Variants in ST3GAL2 observed in about 807,000 individuals in gnomAD.
ST3GAL2 encodes the protein CMP-N-acetylneuraminate-beta-galactosamide-alpha-2,3-sialyltransferase 2.
ST3GAL2 carries 16 observed loss-of-function variants against 37.5 expected under a neutral mutation model. The ratio of observed to expected loss-of-function variants is 0.43; its 90% CI spans 0.29 to 0.65. The LOEUF (loss-of-function observed/expected upper bound fraction) is 0.65. Ranked by LOEUF, ST3GAL2 falls within the 30% of genes least tolerant of loss-of-function variation. ST3GAL2 has a pLI of 0.17. For missense variants in ST3GAL2, 383 were observed against 487.8 expected (o/e 0.79, Z 2.02); for synonymous variants, 238 against 202.9 (o/e 1.17, Z -1.47).
chr16:70,437,109 T>G (rs77972931), intron 1 of ST3GAL2, among the ~76,000 whole-genome samples: 5,527 of 152,244 alleles, frequency 0.036, 362 homozygotes, highest in African/African-American at 0.13. Flanking sequence ...GAAGCTTGGC[T>G]TTATCTGGGA....
At chr16:70,410,864 C>A (rs2047633767) in intron 1 of ST3GAL2, among the ~76,000 whole-genome samples, 1 of 133,078 alleles carries the variant, frequency 7.5e-6, no homozygotes, top group Non-Finnish European at 1.5e-5. Context: ...ACACTGTTGG[C>A]TGTCTACCAG....
At position 70,399,424 on chromosome 16, in the gene ST3GAL2, T is replaced by A; in HGVS notation, c.-894A>T. The A allele has an allele frequency of 2.5e-6, 1 of 398,798 alleles. No individual in the cohort carries two copies. The highest frequency in any genetic ancestry group is 4.4e-6 in the Non-Finnish European group (1 of 226,222). The allele number at this position is 398,798 out of a possible 1,614,324, so 24.7% of individuals were successfully genotyped here. ...TCCTTCCTAATACTCCTGGCCCAGG[T>A]TCTGCCCATCCCCACTCCCCCGGGG... On this transcript the variant is annotated 5_prime_UTR_variant, in exon 2 of 7. Transcript: ENST00000342907.
chr16:70,410,825 T>G (rs1375416107), intron 1 of ST3GAL2, among the ~76,000 whole-genome samples: 1 of 150,712 alleles, frequency 6.6e-6, no homozygotes, highest in Non-Finnish European at 1.5e-5. Flanking sequence ...TTTTTTTTTT[T>G]TGTCTCTGTG....
intron 1 of ST3GAL2, among the ~76,000 whole-genome samples, chr16:70,424,025 T>C (rs2151676757): frequency 6.6e-6 from 1 of 151,762 alleles, no homozygotes; most frequent in Middle Eastern, 3.4e-3. Flanking sequence ...GCCACTGCAC[T>C]CCAGCCTGGG....
chr16:70,381,469 TTTCC>T lies in ST3GAL2; in HGVS notation c.*216_*219del, dbSNP rs2047403660. 6.7e-6 allele frequency: 4 copies of T among 600,154 alleles called. No individual in the cohort carries two copies. The highest frequency in any genetic ancestry group is 5.9e-5 in the East Asian group (2 of 34,098). The allele number at this position is 600,154 out of a possible 1,614,324, so 37.2% of individuals were successfully genotyped here. On this transcript the variant is annotated 3_prime_UTR_variant, in exon 7 of 7. Transcript: ENST00000342907. ...GGAGACTGGACACAGCGCCGGAAGTTTTCCTTGAGTCACATGATTGGCTGGGAGA... is the reference window on the plus strand; with the variant it reads ...GGAGACTGGACACAGCGCCGGAAGTTTTGAGTCACATGATTGGCTGGGAGA...
chr16:70,409,984 C>A (rs2047625226), intron 1 of ST3GAL2, among the ~76,000 whole-genome samples: 1 of 151,330 alleles, frequency 6.6e-6, no homozygotes, highest in South Asian at 2.1e-4. Flanking sequence ...CCAGGCTGAT[C>A]TCCAACTCCT....
At chr16:70,405,273 G>A (rs1284264303) in intron 1 of ST3GAL2, among the ~76,000 whole-genome samples, 2 of 152,170 alleles carry the variant, frequency 1.3e-5, no homozygotes, top group Non-Finnish European at 2.9e-5. Flanking sequence ...CTGGTGCGGT[G>A]GCTCACGCCT....
At chr16:70,418,857 C>G (rs772680755) in intron 1 of ST3GAL2, among the ~76,000 whole-genome samples, 1 of 152,152 alleles carries the variant, frequency 6.6e-6, no homozygotes, top group Admixed American at 6.5e-5. Context: ...CCCCCACCCA[C>G]GCACCTGGGG....
At chr16:70,382,487 T>C (rs530559164) in intron 6 of ST3GAL2, among the ~76,000 whole-genome samples, 1 of 152,156 alleles carries the variant, frequency 6.6e-6, no homozygotes, top group East Asian at 1.9e-4. Context: ...CTTCACCATG[T>C]TGGCCAGGCT....
chr16:70,382,052 T>C (rs1482395678), intron 6 of ST3GAL2, among the ~76,000 whole-genome samples, 190 bp from the exon 7 acceptor site: 1 of 106,200 alleles, frequency 9.4e-6, no homozygotes, highest in Non-Finnish European at 1.7e-5. Context: ...AAATTCCTCC[T>C]TTTTTTTTTT....
intron 1 of ST3GAL2, among the ~76,000 whole-genome samples, chr16:70,431,510 G>T (rs547205718): frequency 6.6e-6 from 1 of 152,314 alleles, no homozygotes; most frequent in Admixed American, 6.5e-5. Flanking sequence ...TCAGAAAGAA[G>T]AAGCTGGGTT....
At chr16:70,429,588 C>CAAAAAAAAAAAAAAAAAAAAA (rs1173306093) in intron 1 of ST3GAL2, among the ~76,000 whole-genome samples, 3 of 36,062 alleles carry the variant, frequency 8.3e-5, no homozygotes, top group Admixed American at 3.1e-4. Flanking sequence ...GACTCTGTCT[C>CAAAAAAAAAAAAAAAAAAAAA]AAAAAAAAAA....
intron 1 of ST3GAL2, among the ~76,000 whole-genome samples, chr16:70,401,994 C>CA (rs749422742): frequency 0.51 from 30,502 of 60,178 alleles, 7,328 homozygotes; most frequent in Non-Finnish European, 0.53. Context: ...AACTCTGCCT[C>CA]AAAAAAAAAA....
intron 1 of ST3GAL2, among the ~76,000 whole-genome samples, chr16:70,418,796 G>A (rs2047693161): frequency 6.6e-6 from 1 of 152,168 alleles, no homozygotes; most frequent in African/African-American, 2.4e-5. Flanking sequence ...GAAGAGGGGT[G>A]AAACGGAAGC....
At chr16:70,400,198 G>T (rs2047546164) in intron 1 of ST3GAL2, 1 of 152,348 alleles carries the variant, frequency 6.6e-6, no homozygotes, top group South Asian at 2.1e-4. Context: ...AGCGTCCCTG[G>T]TAGCACTGAC....
chr16:70,429,561 C>A (rs1323588735), intron 1 of ST3GAL2, among the ~76,000 whole-genome samples: 2 of 138,508 alleles, frequency 1.4e-5, no homozygotes, highest in African/African-American at 6.0e-5. Context: ...TGCACTCCAG[C>A]CTGGGCAACA....
At position 70,395,027 on chromosome 16, in the gene ST3GAL2, C is replaced by G. The variant is rs1395037012; in HGVS notation, c.488G>C (p.Gly163Ala). 1.2e-6 allele frequency: 2 copies of G among 1,613,752 alleles called. No individual in the cohort carries two copies. Among genetic ancestry groups the G allele is most frequent in the Non-Finnish European group, 1.7e-6 (2 of 1,179,958 alleles). ...AVVGNSGNLR[G>A]SGYGQDVDGH... The stretch of plus-strand genomic sequence containing the variant: ...GTCCACGTCCTGCCCATAGCCAGAG[C>G]CCCGCAGGTTGCCCGAGTTCCCCAC... Residue 163 changes from glycine to alanine, a missense_variant, in exon 3 of 7, where the codon GGC becomes GCC. Gly to Ala is a moderately conservative substitution (Grantham distance 60, BLOSUM62 0). Transcript: ENST00000342907.
At chr16:70,418,408 G>A (rs1465436729) in intron 1 of ST3GAL2, among the ~76,000 whole-genome samples, 1 of 152,152 alleles carries the variant, frequency 6.6e-6, no homozygotes, top group Non-Finnish European at 1.5e-5. Context: ...AAGGTATCAG[G>A]GGCAGCTGAC....
At chr16:70,420,024 C>CTTTTTTTTT (rs58254114) in intron 1 of ST3GAL2, among the ~76,000 whole-genome samples, 2 of 131,540 alleles carry the variant, frequency 1.5e-5, no homozygotes, top group Admixed American at 7.9e-5. Flanking sequence ...CCCCCCTTCC[C>CTTTTTTTTT]TTTTTTTTTT....
Sources: gnomAD v4.1 joint callset for allele counts (sites outside exome capture counted in the v4.1 genomes callset) on GRCh38, gnomAD v4.1.1 for gene constraint, MANE v1.5 for transcripts, NCBI Gene and HGNC (gene_info 2026-07-23, HGNC 2026-07-21) for gene names.